Variants in PEX5L observed in about 807,000 individuals in gnomAD.
PEX5L encodes PEX5-related protein.
A neutral mutation model predicts 84.0 loss-of-function variants in PEX5L; 30 were observed. The observed-to-expected ratio is 0.36, with a 90% CI of 0.27 to 0.48. The LOEUF (loss-of-function observed/expected upper bound fraction) is 0.48. Among genes scored for constraint, PEX5L ranks in the 20% least tolerant of loss-of-function variants. PEX5L has a pLI of 0.99. For synonymous variants in PEX5L, 270 were observed against 283.1 expected (o/e 0.95, Z 0.46); for missense variants, 533 against 754.6 (o/e 0.71, Z 3.44).
chr3:179,926,153 C>T (rs766033466), intron 2 of PEX5L, among the ~76,000 whole-genome samples: 6 of 152,118 alleles, frequency 3.9e-5, no homozygotes, highest in African/African-American at 7.2e-5. Context: ...ATCTTGAATG[C>T]GACCACTTCT....
intron 1 of PEX5L, among the ~76,000 whole-genome samples, chr3:179,991,987 G>C (rs1197854518): frequency 1.3e-5 from 2 of 152,058 alleles, no homozygotes; most frequent in African/African-American, 4.8e-5. Flanking sequence ...TAGCATATTA[G>C]ACATTTGTTT....
At chr3:179,904,265 C>A (rs937451793) in intron 2 of PEX5L, among the ~76,000 whole-genome samples, 1 of 152,182 alleles carries the variant, frequency 6.6e-6, no homozygotes, top group Non-Finnish European at 1.5e-5. Context: ...ATCATCTTTT[C>A]TAGGAAGTCT....
chr3:180,034,597 A>T (rs1293702420), intron 1 of PEX5L, among the ~76,000 whole-genome samples: 1 of 152,198 alleles, frequency 6.6e-6, no homozygotes, highest in Admixed American at 6.5e-5. Context: ...CATTCAGATC[A>T]TCATACTATT....
chr3:179,887,928 G>A (rs1441143944), intron 3 of PEX5L, 144 bp from the exon 4 acceptor site: 1 of 682,922 alleles, frequency 1.5e-6, no homozygotes, highest in East Asian at 2.8e-5. Flanking sequence ...GTGGGGGCAA[G>A]AAAGAAAAAA....
rs567887929 is a variant in PEX5L, at chr3:179,939,030, G to A, written c.93+32564C>T. Among the ~76,000 whole-genome samples, 4 of 152,322 alleles carry A rather than the reference G, an allele frequency of 2.6e-5. 1 individual carries two copies. In the South Asian group the frequency reaches 6.2e-4, roughly 24 times the overall value. On this transcript the variant is annotated intron_variant, in intron 2 of 14. Transcript: ENST00000467460. ...ACCTGGTCTAGTAAATGGCTCAGGG[G>A]CTGGGAAAAGACTGCATCATGCTGC... is the stretch of plus-strand genomic sequence containing the variant.
Position 179,880,033 on chromosome 3 carries a change from G to T in PEX5L, c.401C>A (p.Thr134Asn). 1 of 1,614,008 alleles carries T rather than the reference G, an allele frequency of 6.2e-7. No homozygotes were observed. The highest frequency in any genetic ancestry group is 1.1e-5 in the South Asian group (1 of 91,070). ...KAKKSEPSSK[T>N]SSLKKKADGS... ...ATCGGCCTTTTTCTTGAGGGATGAG[G>T]TTTTTGATGAGGGCTCTGACTTCTT... The change falls in exon 5 of 15, where the codon ACC (threonine) becomes AAC (asparagine). Residue 134 changes from threonine (T) to asparagine (N), a missense_variant. Thr to Asn is a moderately conservative substitution (Grantham distance 65, BLOSUM62 0). Coordinates refer to ENST00000467460, the MANE Select transcript of PEX5L (RefSeq NM_016559.3).
At chr3:179,884,241 G>A (rs1230611781) in intron 4 of PEX5L, among the ~76,000 whole-genome samples, 2 of 152,176 alleles carry the variant, frequency 1.3e-5, no homozygotes, top group African/African-American at 4.8e-5. Context: ...CATGGCAAAA[G>A]GGACTTTGCA....
At chr3:179,853,060 A>G (rs1434015900) in intron 8 of PEX5L, among the ~76,000 whole-genome samples, 1 of 152,238 alleles carries the variant, frequency 6.6e-6, no homozygotes, top group Admixed American at 6.5e-5. Flanking sequence ...AGGATGAATA[A>G]AGAAGGAAGT....
intron 2 of PEX5L, among the ~76,000 whole-genome samples, chr3:179,960,752 A>G (rs879313940): frequency 1.3e-5 from 2 of 152,210 alleles, no homozygotes; most frequent in African/African-American, 4.8e-5. Context: ...TTTATCTTGT[A>G]GTAAATGATT....
intron 10 of PEX5L, among the ~76,000 whole-genome samples, chr3:179,812,266 A>ATG (rs1447756724): frequency 1.3e-5 from 2 of 152,190 alleles, no homozygotes; most frequent in African/African-American, 4.8e-5. Flanking sequence ...GAATCTCAAG[A>ATG]TGTACAATAT....
At position 179,909,116 on chromosome 3, in the gene PEX5L, T is replaced by C. The variant is rs138254861; in HGVS notation, c.94-10870A>G. 5.2e-4 allele frequency among the ~76,000 whole-genome samples: 79 copies of C among 152,164 alleles called. 2 individuals carry two copies. Among genetic ancestry groups the C allele is most frequent in the African/African-American group, 1.7e-3 (70 of 41,518 alleles). On this transcript the variant is annotated intron_variant, in intron 2 of 14. Transcript: ENST00000467460. ...GCAATCTTTTGCTTGTATTCATCCA[T>C]GGAATAAGTGGCAATGGTTCTCCTA...
intron 2 of PEX5L, among the ~76,000 whole-genome samples, chr3:179,899,737 G>A (rs773637110): frequency 6.6e-6 from 1 of 151,950 alleles, no homozygotes; most frequent in Non-Finnish European, 1.5e-5. Flanking sequence ...CTGAAAGTTT[G>A]TTTCTTTGTT....
At chr3:179,862,827 T>TA (rs569268957) in intron 7 of PEX5L, among the ~76,000 whole-genome samples, 33 of 151,376 alleles carry the variant, frequency 2.2e-4, no homozygotes, top group East Asian at 1.2e-3. Flanking sequence ...TCCACAGAAA[T>TA]AAAAAAAAAT....
At chr3:179,949,979 T>C (rs1244526571) in intron 2 of PEX5L, among the ~76,000 whole-genome samples, 1 of 152,164 alleles carries the variant, frequency 6.6e-6, no homozygotes, top group Non-Finnish European at 1.5e-5. Flanking sequence ...CACCTACCAC[T>C]TGTGAGCCTT....
At chr3:179,835,981 A>G (rs1734797638) in intron 8 of PEX5L, among the ~76,000 whole-genome samples, 1 of 152,168 alleles carries the variant, frequency 6.6e-6, no homozygotes, top group Non-Finnish European at 1.5e-5. Flanking sequence ...AAAATAATGT[A>G]GGCAAACCAA....
At chr3:179,957,355 C>T (rs1179190947) in intron 2 of PEX5L, among the ~76,000 whole-genome samples, 1 of 152,030 alleles carries the variant, frequency 6.6e-6, no homozygotes. Flanking sequence ...AGGTAAGGCT[C>T]AGGGAGGAAG....
At chr3:179,923,107 G>A (rs1441277340) in intron 2 of PEX5L, among the ~76,000 whole-genome samples, 1 of 151,012 alleles carries the variant, frequency 6.6e-6, no homozygotes, top group East Asian at 2.0e-4. Flanking sequence ...GGCTAACACG[G>A]TGAAAACCTG....
At chr3:179,806,120 T>C (rs1355845621) in intron 14 of PEX5L, among the ~76,000 whole-genome samples, 2 of 151,568 alleles carry the variant, frequency 1.3e-5, no homozygotes, top group Admixed American at 6.6e-5. Flanking sequence ...ACATCTCCCT[T>C]GTTCTAAAAA....
intron 2 of PEX5L, among the ~76,000 whole-genome samples, chr3:179,899,602 C>G (rs947106269): frequency 9.9e-5 from 15 of 152,138 alleles, no homozygotes; most frequent in Non-Finnish European, 1.9e-4. Flanking sequence ...GGGATCAAAA[C>G]ATTATCCATT....
Sources: gnomAD v4.1 joint callset for allele counts (sites outside exome capture counted in the v4.1 genomes callset) on GRCh38, gnomAD v4.1.1 for gene constraint, MANE v1.5 for transcripts, NCBI Gene and HGNC (gene_info 2026-07-23, HGNC 2026-07-21) for gene names.